GALNT13: variants seen among roughly 807,000 people sequenced by gnomAD.
GALNT13 encodes UDP-GalNAc:polypeptide N-acetylgalactosaminyltransferase 13.
In GALNT13, 28 loss-of-function variants were observed where a neutral mutation model predicts 64.2. The ratio of observed to expected loss-of-function variants is 0.44; its 90% confidence interval spans 0.32 to 0.60. GALNT13 has a LOEUF of 0.60. GALNT13 is among the 20% of genes least tolerant of loss of function. GALNT13 has a pLI of 0.05. For missense variants in GALNT13, 577 were observed against 669.8 expected (o/e 0.86, Z 1.53); for synonymous variants, 214 against 224.6 (o/e 0.95, Z 0.42).
chr2:153,854,836 G>A, the GALNT13 span, among the ~76,000 whole-genome samples: 1 of 152,158 alleles, frequency 6.6e-6, no homozygotes, highest in Admixed American at 6.5e-5. Flanking sequence ...TAAATGCAAA[G>A]GGCCAAAATA....
chr2:154,172,348 A>G (rs1193957961), intron 4 of GALNT13, among the ~76,000 whole-genome samples: 1 of 151,882 alleles, frequency 6.6e-6, no homozygotes, highest in African/African-American at 2.4e-5. Context: ...ACATTATTTT[A>G]AACTATTATT....
chr2:154,426,224 T>A (rs1700462715), intron 11 of GALNT13, among the ~76,000 whole-genome samples: 1 of 152,212 alleles, frequency 6.6e-6, no homozygotes, highest in Non-Finnish European at 1.5e-5. Context: ...TCTGGCTCTC[T>A]GCCAGGGTTG....
At chr2:153,535,437 G>A in the GALNT13 span, among the ~76,000 whole-genome samples, 6 of 151,672 alleles carry the variant, frequency 4.0e-5, no homozygotes, top group East Asian at 3.9e-4. Context: ...AGTGTAAACC[G>A]GCAGTGTAAA....
At chr2:153,482,613 A>G in the GALNT13 span, among the ~76,000 whole-genome samples, 1 of 152,064 alleles carries the variant, frequency 6.6e-6, no homozygotes, top group African/African-American at 2.4e-5. Context: ...GGGCTTACAG[A>G]CATGCACCAC....
intron 8 of GALNT13, among the ~76,000 whole-genome samples, chr2:154,268,085 G>T (rs1691120491): frequency 6.6e-6 from 1 of 152,182 alleles, no homozygotes; most frequent in Non-Finnish European, 1.5e-5. Flanking sequence ...ACACTCTTGA[G>T]TATTTACTCA....
chr2:153,123,974 C>T, the GALNT13 span, among the ~76,000 whole-genome samples: 1 of 152,120 alleles, frequency 6.6e-6, no homozygotes, highest in Non-Finnish European at 1.5e-5. Flanking sequence ...CATATCAATG[C>T]TAAGATGAGG....
chr2:153,506,880 CTAGATCA>C, the GALNT13 span, among the ~76,000 whole-genome samples: 1 of 152,186 alleles, frequency 6.6e-6, no homozygotes, highest in Non-Finnish European at 1.5e-5. Flanking sequence ...ATTTGGATGT[CTAGATCA>C]CCAGCAAGGC....
At chr2:153,077,943 A>G in the GALNT13 span, among the ~76,000 whole-genome samples, 2 of 152,200 alleles carry the variant, frequency 1.3e-5, no homozygotes, top group Non-Finnish European at 2.9e-5. Flanking sequence ...GGATCTTCCT[A>G]TTCAAGAATG....
the GALNT13 span, among the ~76,000 whole-genome samples, chr2:153,848,074 A>C: frequency 6.6e-6 from 1 of 152,222 alleles, no homozygotes; most frequent in Admixed American, 6.5e-5. Flanking sequence ...AATCAAGGCC[A>C]TTCAAGTATT....
chr2:153,516,952 C>T, the GALNT13 span, among the ~76,000 whole-genome samples: 1,571 of 152,236 alleles, frequency 0.01, 34 homozygotes, highest in African/African-American at 0.035. Flanking sequence ...TTACCTTCCA[C>T]CTCCTTCTCC....
intron 7 of GALNT13, among the ~76,000 whole-genome samples, chr2:154,252,074 T>C (rs1255031632): frequency 6.6e-6 from 1 of 152,054 alleles, no homozygotes; most frequent in Non-Finnish European, 1.5e-5. Context: ...ACAGTGTAGA[T>C]ATTGTGTTAT....
the GALNT13 span, among the ~76,000 whole-genome samples, chr2:153,594,403 G>A: frequency 2.6e-5 from 4 of 151,960 alleles, no homozygotes; most frequent in Non-Finnish European, 5.9e-5. Flanking sequence ...ATTTTTTCTC[G>A]ACTTGTCTTC....
At chr2:153,082,616 TATACACACAC>T in the GALNT13 span, among the ~76,000 whole-genome samples, 33 of 26,582 alleles carry the variant, frequency 1.2e-3, no homozygotes, top group Non-Finnish European at 1.7e-3. Context: ...TATATATATA[TATACACACAC>T]ACACACACAC....
At chr2:153,882,961 TAAAG>T (rs906028178) in intron 1 of GALNT13, among the ~76,000 whole-genome samples, 4 of 150,332 alleles carry the variant, frequency 2.7e-5, no homozygotes, top group African/African-American at 4.9e-5. Flanking sequence ...GAGACCAAGT[TAAAG>T]AAACCAGTAA....
At chr2:153,674,239 G>A in the GALNT13 span, among the ~76,000 whole-genome samples, 1 of 152,148 alleles carries the variant, frequency 6.6e-6, no homozygotes, top group East Asian at 1.9e-4. Flanking sequence ...AGCCCGCATT[G>A]CCAAGACAAT....
At chr2:154,071,834 A>G (rs1700754491) in intron 3 of GALNT13, among the ~76,000 whole-genome samples, 1 of 152,058 alleles carries the variant, frequency 6.6e-6, no homozygotes, top group Admixed American at 6.6e-5. Context: ...TGGTGATTTT[A>G]CTTTTAAGAT....
At chr2:154,038,401 T>C (rs369726720) in intron 3 of GALNT13, among the ~76,000 whole-genome samples, 5 of 152,200 alleles carry the variant, frequency 3.3e-5, no homozygotes, top group Admixed American at 1.3e-4. Context: ...CAGCATGATA[T>C]TGGTATAAAA....
chr2:153,143,890 T>G, the GALNT13 span, among the ~76,000 whole-genome samples: 1 of 152,034 alleles, frequency 6.6e-6, no homozygotes, highest in African/African-American at 2.4e-5. Context: ...AAGTATTTTT[T>G]TCTGCCCTCA....
the GALNT13 span, among the ~76,000 whole-genome samples, chr2:153,443,156 G>T: frequency 2.0e-5 from 3 of 152,194 alleles, no homozygotes; most frequent in Non-Finnish European, 4.4e-5. Context: ...TTTTGTGCTT[G>T]AAACCTAGGG....
Sources: gnomAD v4.1 joint callset for allele counts (sites outside exome capture counted in the v4.1 genomes callset) on GRCh38, gnomAD v4.1.1 for gene constraint, MANE v1.5 for transcripts, NCBI Gene and HGNC (gene_info 2026-07-23, HGNC 2026-07-21) for gene names.